The following CHCHD6 variants were observed in gnomAD, a reference collection of about 807,000 sequenced individuals.
The protein encoded by CHCHD6 is coiled-coil-helix-coiled-coil-helix domain containing 6.
In CHCHD6, 28 loss-of-function variants were observed where a neutral mutation model predicts 32.3. The ratio of observed to expected loss-of-function variants is 0.87; its 90% CI spans 0.64 to 1.19. The LOEUF is 1.19. Ranked by LOEUF, CHCHD6 falls within the 50% of genes most tolerant of loss-of-function variation. CHCHD6 has a pLI of 0.00. For missense variants in CHCHD6, 333 were observed against 307.0 expected (o/e 1.08, Z -0.63); for synonymous variants, 122 against 117.5 (o/e 1.04, Z -0.25).
chr3:126,839,532 G>A (rs1405882064), intron 4 of CHCHD6, among the ~76,000 whole-genome samples: 1 of 152,110 alleles, frequency 6.6e-6, no homozygotes. Flanking sequence ...GGTAGACATA[G>A]TTCTCATTTT....
chr3:126,929,215 T>G (rs923446551), intron 6 of CHCHD6, among the ~76,000 whole-genome samples: 3 of 152,212 alleles, frequency 2.0e-5, no homozygotes, highest in African/African-American at 7.2e-5. Context: ...CCCTGTCTCC[T>G]CTCCACCTGC....
chr3:126,949,733 G>C (rs1175599896), intron 6 of CHCHD6: 2 of 195,516 alleles, frequency 1.0e-5, no homozygotes, highest in African/African-American at 4.8e-5. Flanking sequence ...CTGCACGGAG[G>C]CTTGCTTGGA....
At chr3:126,864,409 C>CTCCTCT (rs1942152359) in intron 5 of CHCHD6, among the ~76,000 whole-genome samples, 3 of 151,120 alleles carry the variant, frequency 2.0e-5, no homozygotes, top group Non-Finnish European at 3.0e-5. Flanking sequence ...CCTCCTCCTC[C>CTCCTCT]TCCTCTTCCT....
intron 7 of CHCHD6, among the ~76,000 whole-genome samples, chr3:126,959,658 T>G (rs1694909078): frequency 6.6e-6 from 1 of 152,166 alleles, no homozygotes; most frequent in Middle Eastern, 3.2e-3. Flanking sequence ...GGCAGGTAGG[T>G]GATGCCTAGG....
At chr3:126,855,634 G>A (rs371767085) in intron 5 of CHCHD6, among the ~76,000 whole-genome samples, 8 of 152,112 alleles carry the variant, frequency 5.3e-5, no homozygotes, top group Non-Finnish European at 5.9e-5. Flanking sequence ...GGGCTGCATC[G>A]GGCTTTTCTC....
intron 1 of CHCHD6, among the ~76,000 whole-genome samples, chr3:126,714,252 G>T (rs1235177646): frequency 6.6e-6 from 1 of 151,998 alleles, no homozygotes; most frequent in African/African-American, 2.4e-5. Flanking sequence ...TTACACCATG[G>T]TATCCTTGCA....
chr3:126,878,988 C>T (rs960370682), intron 5 of CHCHD6, among the ~76,000 whole-genome samples: 4 of 152,206 alleles, frequency 2.6e-5, no homozygotes, highest in Non-Finnish European at 2.9e-5. Flanking sequence ...TCCTCATTCA[C>T]GCTTGTGGCA....
intron 5 of CHCHD6, among the ~76,000 whole-genome samples, chr3:126,884,721 C>T (rs1210476877): frequency 6.6e-6 from 1 of 152,190 alleles, no homozygotes; most frequent in African/African-American, 2.4e-5. Flanking sequence ...TTTCAACCTC[C>T]ATTCCTCCTT....
At chr3:126,942,141 C>G (rs1433379341) in intron 6 of CHCHD6, among the ~76,000 whole-genome samples, 2 of 152,134 alleles carry the variant, frequency 1.3e-5, no homozygotes, top group Non-Finnish European at 2.9e-5. Context: ...AGGAAGACCC[C>G]AGAACTGGTG....
chr3:126,817,670 C>T (rs572507930), intron 4 of CHCHD6, among the ~76,000 whole-genome samples: 1 of 152,206 alleles, frequency 6.6e-6, no homozygotes, highest in African/African-American at 2.4e-5. Flanking sequence ...GAACCTGATG[C>T]AGTTACTAGC....
intron 4 of CHCHD6, among the ~76,000 whole-genome samples, chr3:126,798,924 G>A (rs749605721): frequency 5.3e-5 from 8 of 152,166 alleles, no homozygotes; most frequent in African/African-American, 7.2e-5. Context: ...GGAATGTTCC[G>A]TTTTTCTTTC....
chr3:126,947,353 GT>G (rs1171957069), intron 6 of CHCHD6, among the ~76,000 whole-genome samples: 1 of 152,290 alleles, frequency 6.6e-6, no homozygotes, highest in East Asian at 1.9e-4. Context: ...CCCAATGGGA[GT>G]TGGCAAGCTT....
chr3:126,760,036 C>T (rs947000954), intron 4 of CHCHD6, among the ~76,000 whole-genome samples: 1 of 152,114 alleles, frequency 6.6e-6, no homozygotes, highest in Non-Finnish European at 1.5e-5. Flanking sequence ...ACAACTAGAT[C>T]TCTTGAAAAC....
intron 4 of CHCHD6, among the ~76,000 whole-genome samples, chr3:126,840,971 G>A (rs1941050575): frequency 6.6e-6 from 1 of 152,040 alleles, no homozygotes; most frequent in South Asian, 2.1e-4. Context: ...GTATACATGT[G>A]CCATGTTGGT....
At chr3:126,795,641 C>T (rs1023836417) in intron 4 of CHCHD6, among the ~76,000 whole-genome samples, 7 of 152,146 alleles carry the variant, frequency 4.6e-5, no homozygotes, top group Non-Finnish European at 1.0e-4. Flanking sequence ...TTTTCAGTCT[C>T]TAGGTTTTCT....
intron 5 of CHCHD6, among the ~76,000 whole-genome samples, chr3:126,863,150 T>C (rs1373200493): frequency 9.1e-4 from 27 of 29,558 alleles, no homozygotes; most frequent in Middle Eastern, 0.029. Flanking sequence ...TCCTCCACCA[T>C]CACCACCTCC....
intron 5 of CHCHD6, among the ~76,000 whole-genome samples, chr3:126,864,942 C>T (rs1233614758): frequency 3.3e-5 from 5 of 151,796 alleles, no homozygotes; most frequent in African/African-American, 9.7e-5. Context: ...CCTCCTCCTC[C>T]ACCATCATCT....
chr3:126,906,008 A>T (rs1336225050), intron 5 of CHCHD6, among the ~76,000 whole-genome samples: 1 of 152,000 alleles, frequency 6.6e-6, no homozygotes, highest in African/African-American at 2.4e-5. Flanking sequence ...CAGATCATTG[A>T]TGGAGCACAG....
chr3:126,871,190 A>T (rs192962812), intron 5 of CHCHD6, among the ~76,000 whole-genome samples: 11 of 152,230 alleles, frequency 7.2e-5, no homozygotes, highest in African/African-American at 2.6e-4. Flanking sequence ...TCTCTCTATC[A>T]TCTGTTAACT....
Sources: allele counts gnomAD v4.1 joint callset (sites outside exome capture counted in the v4.1 genomes callset), GRCh38; gene constraint gnomAD v4.1.1; transcripts MANE v1.5; gene names NCBI Gene and HGNC (gene_info 2026-07-23, HGNC 2026-07-21).